Variants in BICC1 observed in about 807,000 individuals in gnomAD.
BICC1 encodes protein bicaudal C homolog 1.
In BICC1, 43 loss-of-function variants were observed where a neutral mutation model predicts 111.0. The observed-to-expected ratio is 0.39, with a 90% CI of 0.30 to 0.50. The LOEUF (loss-of-function observed/expected upper bound fraction) is 0.50, where lower values mean the gene tolerates loss of function less well. Ranked by LOEUF, BICC1 falls within the 20% of genes least tolerant of loss-of-function variation. The probability of loss-of-function intolerance (pLI) is 0.88; values close to 1 mark genes in which losing one functional copy is unlikely to be tolerated. For synonymous variants in BICC1, 467 were observed against 434.4 expected, an observed-to-expected ratio of 1.07 and a Z score of -0.93; for missense variants, 1,091 against 1,203.2, an observed-to-expected ratio of 0.91 and a Z score of 1.38.
chr10:58,682,267 T>C (rs1373090017), intron 2 of BICC1, among the ~76,000 whole-genome samples: 4 of 152,138 alleles, frequency 2.6e-5, no homozygotes, highest in East Asian at 1.9e-4. Context: ...CAGTCTATCA[T>C]TGATGAACAT....
chr10:58,767,932 A>G (rs1183252526), intron 3 of BICC1, among the ~76,000 whole-genome samples: 1 of 152,122 alleles, frequency 6.6e-6, no homozygotes, highest in Non-Finnish European at 1.5e-5. Flanking sequence ...AAGGAAAAAG[A>G]AAGCTTATGG....
intron 1 of BICC1, among the ~76,000 whole-genome samples, chr10:58,581,630 A>G (rs1308822134): frequency 6.6e-6 from 1 of 152,200 alleles, no homozygotes; most frequent in Non-Finnish European, 1.5e-5. Context: ...TTAGTTAACA[A>G]CATTAACGAT....
chr10:58,596,815 A>G (rs1844829451), intron 1 of BICC1, among the ~76,000 whole-genome samples: 1 of 152,196 alleles, frequency 6.6e-6, no homozygotes, highest in Non-Finnish European at 1.5e-5. Flanking sequence ...TGCTACTAAG[A>G]GAGTAAAATA....
chr10:58,673,650 C>T (rs1220505835), intron 2 of BICC1, among the ~76,000 whole-genome samples: 2 of 152,158 alleles, frequency 1.3e-5, no homozygotes, highest in Non-Finnish European at 2.9e-5. Context: ...GTGATTGAGT[C>T]TCCCTGTGTC....
At chr10:58,825,591 A>T (rs753772261) in intron 20 of BICC1, among the ~76,000 whole-genome samples, 6 of 152,200 alleles carry the variant, frequency 3.9e-5, no homozygotes, top group Non-Finnish European at 7.3e-5. Flanking sequence ...ATTTTAAATC[A>T]TAACTGCATA....
rs554232865 is a variant in BICC1 at position 58,780,532 on chromosome 10, T to C, written c.308-4469T>C. Among the ~76,000 whole-genome samples the C allele has an allele frequency of 9.1e-4, 138 of 152,282 alleles. 2 individuals are homozygous for C. The highest frequency in any genetic ancestry group is 3.2e-3 in the Admixed American group (49 of 15,284). ...TTGGCCTAAATTCATCATGTGTCTA[T>C]AGCACATTACTCTCTGTAGCATAAT... On this transcript the variant is annotated intron_variant, in intron 3 of 20. Coordinates refer to ENST00000373886, the MANE Select transcript of BICC1 (RefSeq NM_001080512.3).
chr10:58,709,296 A>G (rs1840498910), intron 3 of BICC1, among the ~76,000 whole-genome samples: 1 of 152,154 alleles, frequency 6.6e-6, no homozygotes, highest in South Asian at 2.1e-4. Context: ...TCTTCCACAT[A>G]TGAGTGAGAA....
intron 3 of BICC1, among the ~76,000 whole-genome samples, chr10:58,731,355 A>G (rs968772913): frequency 2.0e-4 from 31 of 152,212 alleles, no homozygotes; most frequent in African/African-American, 6.3e-4. Flanking sequence ...GGAAGTTCCA[A>G]ACTTCCCTTC....
intron 1 of BICC1, among the ~76,000 whole-genome samples, chr10:58,571,998 G>T (rs1658422): frequency 0.46 from 69,545 of 151,894 alleles, 16,983 homozygotes; most frequent in Admixed American, 0.62. Context: ...CAAGCATCTT[G>T]TTGCTTTTTG....
intron 1 of BICC1, among the ~76,000 whole-genome samples, chr10:58,522,791 AT>A (rs1842427263): frequency 6.6e-6 from 1 of 152,112 alleles, no homozygotes; most frequent in Admixed American, 6.5e-5. Context: ...GACCAACAAA[AT>A]GGATAGACCG....
chr10:58,655,101 T>A (rs1233221881), intron 2 of BICC1, among the ~76,000 whole-genome samples: 1 of 141,184 alleles, frequency 7.1e-6, no homozygotes, highest in African/African-American at 2.6e-5. Flanking sequence ...TAGTATAGTT[T>A]GAAGTCAGGT....
intron 1 of BICC1, among the ~76,000 whole-genome samples, chr10:58,528,161 C>G (rs552413047): frequency 6.6e-6 from 1 of 151,946 alleles, no homozygotes; most frequent in African/African-American, 2.4e-5. Context: ...GCATTGACCT[C>G]ATGGAATGGA....
At chr10:58,541,533 CATTGCAGAAAAA>C (rs549724750) in intron 1 of BICC1, among the ~76,000 whole-genome samples, 9 of 152,078 alleles carry the variant, frequency 5.9e-5, no homozygotes, top group Non-Finnish European at 5.9e-5. Flanking sequence ...AACTACAAAA[CATTGCAGAAAAA>C]ATTGCAGAAA....
intron 3 of BICC1, among the ~76,000 whole-genome samples, chr10:58,771,468 G>A (rs565837996): frequency 9.2e-5 from 14 of 152,192 alleles, no homozygotes; most frequent in East Asian, 7.8e-4. Flanking sequence ...ATGGATAATG[G>A]GGTAGCATGT....
At chr10:58,642,102 G>A (rs1187308304) in intron 2 of BICC1, among the ~76,000 whole-genome samples, 2 of 152,182 alleles carry the variant, frequency 1.3e-5, no homozygotes, top group African/African-American at 2.4e-5. Flanking sequence ...GCACATTTAA[G>A]TGAATAGTAA....
chr10:58,818,563 C>T (rs1844166635), intron 19 of BICC1, among the ~76,000 whole-genome samples: 1 of 152,110 alleles, frequency 6.6e-6, no homozygotes, highest in South Asian at 2.1e-4. Flanking sequence ...TTACTAGGCA[C>T]TTTGTATCAT....
chr10:58,667,253 G>A (rs940001725), intron 2 of BICC1, among the ~76,000 whole-genome samples: 1 of 151,992 alleles, frequency 6.6e-6, no homozygotes, highest in African/African-American at 2.4e-5. Flanking sequence ...AGAATGACAT[G>A]TAAGTTTAGA....
intron 2 of BICC1, among the ~76,000 whole-genome samples, chr10:58,648,876 T>C (rs930492462): frequency 2.6e-5 from 4 of 152,216 alleles, no homozygotes; most frequent in South Asian, 2.1e-4. Context: ...TATCCCATAA[T>C]TGGCAACTAA....
intron 3 of BICC1, among the ~76,000 whole-genome samples, chr10:58,704,456 C>T (rs892549544): frequency 6.6e-6 from 1 of 152,098 alleles, no homozygotes; most frequent in Non-Finnish European, 1.5e-5. Context: ...TATGTGTATA[C>T]CTATATTATT....
Sources: gnomAD v4.1 joint callset for allele counts (sites outside exome capture counted in the v4.1 genomes callset) on GRCh38, gnomAD v4.1.1 for gene constraint, MANE v1.5 for transcripts, NCBI Gene and HGNC (gene_info 2026-07-23, HGNC 2026-07-21) for gene names.